The following ZNF254 variants were observed in gnomAD, a reference collection of about 807,000 sequenced individuals.
ZNF254 encodes zinc finger protein 254, also known as CTD-2017D11.1.
In ZNF254, 10 loss-of-function variants were observed where a neutral mutation model predicts 12.4. That is an observed-to-expected ratio of 0.80 (90% confidence interval 0.50 to 1.36). The LOEUF (loss-of-function observed/expected upper bound fraction) is 1.36. Ranked by LOEUF, ZNF254 falls within the 40% of genes most tolerant of loss-of-function variation. The pLI, the probability that ZNF254 is intolerant of heterozygous loss-of-function variation, is 0.00. For synonymous variants in ZNF254, 305 were observed against 253.4 expected (o/e 1.20, Z -1.93); for missense variants, 996 against 763.9 (o/e 1.30, Z -3.58).
At chr19:24,067,222 TC>T (rs1281946120) in intron 2 of ZNF254, among the ~76,000 whole-genome samples, 1 of 151,898 alleles carries the variant, frequency 6.6e-6, no homozygotes, top group Non-Finnish European at 1.5e-5. Flanking sequence ...TCCTCTCTTA[TC>T]TTCACTTTGT....
chr19:24,113,754 T>A (rs1359702248), intron 3 of ZNF254, among the ~76,000 whole-genome samples: 2 of 152,196 alleles, frequency 1.3e-5, no homozygotes, highest in Admixed American at 1.3e-4. Context: ...TGTCCCTGTT[T>A]GCAGATGACA....
At chr19:24,086,587 C>T (rs542503118), upstream of ZNF254, among the ~76,000 whole-genome samples, 1 of 152,136 alleles carries the variant, frequency 6.6e-6, no homozygotes, top group Non-Finnish European at 1.5e-5. Context: ...AAGCAGTTCT[C>T]CTGCCTCAGC....
chr19:24,055,914 G>A (rs1003219533), intron 2 of ZNF254, among the ~76,000 whole-genome samples: 1 of 152,180 alleles, frequency 6.6e-6, no homozygotes, highest in African/African-American at 2.4e-5. Flanking sequence ...ACCGGAACAT[G>A]TGTGGGATTG....
chr19:24,125,258 T>G (rs183355708), intron 3 of ZNF254, among the ~76,000 whole-genome samples: 5 of 151,744 alleles, frequency 3.3e-5, no homozygotes, highest in African/African-American at 1.2e-4. Flanking sequence ...TCTGTCAGTT[T>G]TTTTGTGTAT....
chr19:24,098,340 C>CA (rs988606418), intron 1 of ZNF254: 1 of 152,100 alleles, frequency 6.6e-6, no homozygotes. Flanking sequence ...GTGGCCATCC[C>CA]AAAACTGTAA....
rs1974925807 is a variant in ZNF254 at position 24,127,156 on chromosome 19, GC to G, written c.1157del (p.Ala386ValfsTer13). ...KRYKCLECGK[A>X]FKQLSTLTTH... Reference sequence around the variant, plus strand: ...CTACAAATGCTTAGAATGTGGCAAAGCTTTTAAGCAACTCTCAACTCTTACT... The same window carrying G: ...CTACAAATGCTTAGAATGTGGCAAAGTTTTAAGCAACTCTCAACTCTTACT... On this transcript the variant is annotated frameshift_variant, in exon 4 of 4. Coordinates refer to ENST00000357002, the MANE Select transcript of ZNF254 (RefSeq NM_203282.4). LOFTEE classifies it low-confidence loss of function (END_TRUNC). The G allele has an allele frequency of 1.9e-6, 3 of 1,613,308 alleles. No individual in the cohort carries two copies. The highest frequency in any genetic ancestry group is 2.5e-6 in the Non-Finnish European group (3 of 1,179,742).
intron 3 of ZNF254, among the ~76,000 whole-genome samples, chr19:24,125,880 C>T (rs1016515070): frequency 5.9e-5 from 9 of 152,162 alleles, no homozygotes; most frequent in East Asian, 3.8e-4. Flanking sequence ...ATGATTGTGC[C>T]GGTATTTTAC....
chr19:24,058,600 G>T (rs1231877108), intron 2 of ZNF254, among the ~76,000 whole-genome samples: 2 of 151,882 alleles, frequency 1.3e-5, no homozygotes. Context: ...TAGAGACAGG[G>T]TTTCTCCATG....
intron 3 of ZNF254, among the ~76,000 whole-genome samples, chr19:24,117,507 GA>G (rs1454378974): frequency 6.6e-6 from 1 of 152,204 alleles, no homozygotes; most frequent in East Asian, 1.9e-4. Flanking sequence ...CCAGGTGCAG[GA>G]TATAATCTGC....
chr19:24,048,463 A>G (rs1445743380), intron 2 of ZNF254, among the ~76,000 whole-genome samples: 1 of 152,186 alleles, frequency 6.6e-6, no homozygotes, highest in Non-Finnish European at 1.5e-5. Context: ...AAAATGTTTA[A>G]GGGGGACCAG....
chr19:24,108,891 C>G (rs908941058), intron 3 of ZNF254, among the ~76,000 whole-genome samples: 5 of 152,198 alleles, frequency 3.3e-5, no homozygotes, highest in Admixed American at 1.3e-4. Flanking sequence ...CGCGGTGGCT[C>G]ACGCCTCTAA....
chr19:24,102,234 T>A (rs867708391), intron 1 of ZNF254, among the ~76,000 whole-genome samples: 2 of 151,672 alleles, frequency 1.3e-5, no homozygotes, highest in Non-Finnish European at 2.9e-5. Context: ...AATTTGTTTT[T>A]TTTTTTTTTT....
At chr19:24,085,421 TATATAA>T (rs1266043552), upstream of ZNF254, among the ~76,000 whole-genome samples, 2 of 132,634 alleles carry the variant, frequency 1.5e-5, no homozygotes, top group Non-Finnish European at 1.6e-5. Flanking sequence ...TATATATATA[TATATAA>T]AAACTAAGAT....
Position 24,127,724 on chromosome 19 carries a change from A to C in ZNF254, c.1724A>C (p.Lys575Thr). 28 of 1,612,978 alleles carry C rather than the reference A, an allele frequency of 1.7e-5. No individual in the cohort carries two copies. The highest frequency in any genetic ancestry group is 2.3e-5 in the Non-Finnish European group (27 of 1,179,590). ...ATTCATACTGGAGAGAAACCCTATA[A>C]ATGTGAAGAATGTGGCAAATCTTTT... is the stretch of plus-strand genomic sequence containing the variant. ...KRIHTGEKPY[K>T]CEECGKSFNR... Residue 575 changes from lysine (K) to threonine (T), a missense_variant, in exon 4 of 4, where the codon AAA (lysine) becomes ACA (threonine). Transcript: ENST00000357002.
In ZNF254 at chr19:24,127,149, T is replaced by C. The variant is rs747161437; in HGVS notation, c.1149T>C (p.Cys383=). 1 of 1,613,526 alleles carries C rather than the reference T, an allele frequency of 6.2e-7. No homozygotes were observed. Among genetic ancestry groups the C allele is most frequent in the South Asian group, 1.1e-5 (1 of 91,072 alleles). Residue 383 remains cysteine (C), a synonymous_variant, in exon 4 of 4, where the codon TGT becomes TGC. Coordinates refer to ENST00000357002, the MANE Select transcript of ZNF254 (RefSeq NM_203282.4). ...AGAAACGCTACAAATGCTTAGAATG[T>C]GGCAAAGCTTTTAAGCAACTCTCAA... ...TGEKRYKCLE[C]GKAFKQLSTL...
At chr19:24,112,841 A>G (rs2145867880) in intron 3 of ZNF254, among the ~76,000 whole-genome samples, 1 of 152,304 alleles carries the variant, frequency 6.6e-6, no homozygotes, top group East Asian at 1.9e-4. Flanking sequence ...AAAATGATAA[A>G]GGGAATATCA....
chr19:24,122,807 C>A (rs1974574221), intron 3 of ZNF254, among the ~76,000 whole-genome samples: 1 of 143,354 alleles, frequency 7.0e-6, no homozygotes, highest in South Asian at 2.2e-4. Context: ...AACAATGCTG[C>A]AATAATTATC....
intron 1 of ZNF254, among the ~76,000 whole-genome samples, chr19:24,097,938 T>C (rs1051488695): frequency 6.6e-6 from 1 of 152,172 alleles, no homozygotes; most frequent in Non-Finnish European, 1.5e-5. Flanking sequence ...AGCATAGTTA[T>C]GCAGTGTTTG....
intron 1 of ZNF254, among the ~76,000 whole-genome samples, chr19:24,096,583 T>TGGTCA (rs1972687222): frequency 6.6e-6 from 1 of 152,190 alleles, no homozygotes; most frequent in Non-Finnish European, 1.5e-5. Context: ...TCTGATTGTG[T>TGGTCA]GGTCAGTTTT....
Sources: gnomAD v4.1 joint callset for allele counts (sites outside exome capture counted in the v4.1 genomes callset) on GRCh38, gnomAD v4.1.1 for gene constraint, MANE v1.5 for transcripts, NCBI Gene and HGNC (gene_info 2026-07-23, HGNC 2026-07-21) for gene names.